The following ADAMTS14 variants were observed in gnomAD, a reference collection of about 807,000 sequenced individuals.
ADAMTS14 encodes ADAM metallopeptidase with thrombospondin type 1 motif 14, also known as A disintegrin and metalloproteinase with thrombospondin motifs 14.
A neutral mutation model predicts 128.6 loss-of-function variants in ADAMTS14; 100 were observed. The observed-to-expected ratio is 0.78, with a 90% CI of 0.66 to 0.92. The LOEUF (loss-of-function observed/expected upper bound fraction) is 0.92. Ranked by LOEUF, ADAMTS14 falls within the 40% of genes least tolerant of loss-of-function variation. ADAMTS14 has a pLI of 0.00. For missense variants in ADAMTS14, 1,562 were observed against 1,658.6 expected (o/e 0.94, Z 1.01); for synonymous variants, 665 against 653.8 (o/e 1.02, Z -0.26).
rs1842597813 is a variant in ADAMTS14 at position 70,760,859 on chromosome 10, G to A, written c.*6G>A. 4 of 1,556,252 alleles carry A rather than the reference G, an allele frequency of 2.6e-6. No individual in the cohort carries two copies. Among genetic ancestry groups the A allele is most frequent in the Admixed American group, 1.8e-5 (1 of 54,234 alleles). ...CTGCCTCCCCGGTGACATGAGCTGT[G>A]CCCTGCCATCCCACTGGCACGTTTA... On this transcript the variant is annotated 3_prime_UTR_variant, in exon 22 of 22. Coordinates refer to ENST00000373207, the MANE Select transcript of ADAMTS14 (RefSeq NM_080722.4).
Position 70,674,917 on chromosome 10 carries a change from AC to A in ADAMTS14, c.445del (p.Arg149GlyfsTer140). On this transcript the variant is annotated frameshift_variant, in exon 2 of 22. Transcript: ENST00000373207. LOFTEE classifies it high-confidence loss of function. ...TTCGGGAGCTGTTCCGGCAGCCCTT[AC>A]GGCAGGAGTGTGTGTACACTGGAGG... ...DFRELFRQPL[R>X]QECVYTGGVT... 1 of 1,613,284 alleles carries A rather than the reference AC, an allele frequency of 6.2e-7. No homozygotes were observed.
Position 70,733,967 on chromosome 10 carries a change from G to A in ADAMTS14, c.1291G>A (p.Ala431Thr). Residue 431 changes from alanine (A) to threonine (T), a missense_variant, in exon 8 of 22, where the codon GCT becomes ACT. Coordinates refer to ENST00000373207, the MANE Select transcript of ADAMTS14 (RefSeq NM_080722.4). ...LGSVMAPLVQ[A>T]AFHRFHWSRC... ...CAGCGTCATGGCGCCCCTGGTGCAG[G>A]CTGCCTTCCACCGCTTCCATTGGTC... 6.2e-7 allele frequency: 1 copy of A among 1,613,850 alleles called. No homozygotes were observed. Among genetic ancestry groups the A allele is most frequent in the Non-Finnish European group, 8.5e-7 (1 of 1,180,004 alleles).
intron 4 of ADAMTS14, 143 bp downstream of exon 4, chr10:70,708,921 T>C: frequency 1.5e-6 from 1 of 655,738 alleles, no homozygotes; most frequent in Non-Finnish European, 2.3e-6. Context: ...CATTGCTTGC[T>C]CCTTAGCCCA....
intron 12 of ADAMTS14, 104 bp downstream of exon 12, chr10:70,741,266 G>A: frequency 7.3e-7 from 1 of 1,377,364 alleles, no homozygotes; most frequent in Non-Finnish European, 9.9e-7. Flanking sequence ...AGTGAAGGTG[G>A]AGGGACAGTG....
chr10:70,749,918 A>T lies in ADAMTS14; in HGVS notation c.2360A>T (p.Asp787Val). ...ACCGCCATGGGCCTGGAGTGGGAGG[A>T]TGCGGTGGAGGATGCCAAGGAAAGC... is the stretch of plus-strand genomic sequence containing the variant. The part of the protein sequence containing the change: ...TFTAMGLEWE[D>V]AVEDAKESLK... Residue 787 changes from aspartate (D) to valine (V), a missense_variant, in exon 16 of 22, where the codon GAT (aspartate) becomes GTT (valine). Asp to Val is a radical substitution (Grantham distance 152, BLOSUM62 -3). Transcript: ENST00000373207. The T allele has an allele frequency of 6.2e-7, 1 of 1,614,050 alleles. No homozygotes were observed. The highest frequency in any genetic ancestry group is 1.7e-5 in the Admixed American group (1 of 60,012).
intron 16 of ADAMTS14, among the ~76,000 whole-genome samples, chr10:70,751,184 C>T (rs1035022654): frequency 6.6e-6 from 1 of 152,208 alleles, no homozygotes. Flanking sequence ...GACAGACAGA[C>T]AGCCAGCCCT....
chr10:70,752,089 C>T lies in ADAMTS14; in HGVS notation c.2597-6C>T, dbSNP rs753861624. On this transcript the variant is annotated splice_polypyrimidine_tract_variant and splice_region_variant and intron_variant, in intron 17 of 21. Coordinates refer to ENST00000373207, the MANE Select transcript of ADAMTS14 (RefSeq NM_080722.4). ...CTAGGCCCACGGCAGCCTGCCCACCCCATAGGGATCCAGTTCACCAAATAC... is the reference window on the plus strand; with the variant it reads ...CTAGGCCCACGGCAGCCTGCCCACCTCATAGGGATCCAGTTCACCAAATAC... 1 of 1,611,466 alleles carries T rather than the reference C, an allele frequency of 6.2e-7. No individual in the cohort carries two copies. Among genetic ancestry groups the T allele is most frequent in the South Asian group, 1.1e-5 (1 of 90,746 alleles).
intron 4 of ADAMTS14, among the ~76,000 whole-genome samples, chr10:70,721,118 G>A (rs896430516): frequency 2.7e-4 from 39 of 143,024 alleles, no homozygotes; most frequent in African/African-American, 9.9e-4. Context: ...TCCACCTCCC[G>A]GGTTCAAGTG....
intron 2 of ADAMTS14, among the ~76,000 whole-genome samples, chr10:70,682,101 A>G (rs1839826581): frequency 6.6e-6 from 1 of 152,150 alleles, no homozygotes; most frequent in African/African-American, 2.4e-5. Flanking sequence ...GAAATCAGAG[A>G]CTGTCTTAAA....
At chr10:70,702,552 A>G in intron 3 of ADAMTS14, 84 bp downstream of exon 3, 3 of 1,491,282 alleles carry the variant, frequency 2.0e-6, no homozygotes, top group Non-Finnish European at 2.7e-6. Context: ...TAAGCTGTCC[A>G]TGTCTGGCCT....
At chr10:70,728,506 C>A (rs754907557) in intron 4 of ADAMTS14, among the ~76,000 whole-genome samples, 3 of 152,228 alleles carry the variant, frequency 2.0e-5, no homozygotes, top group Non-Finnish European at 4.4e-5. Context: ...AGAGGGTGAA[C>A]TCCCTTTCCT....
At chr10:70,682,032 G>A (rs762191768) in intron 2 of ADAMTS14, among the ~76,000 whole-genome samples, 4 of 152,246 alleles carry the variant, frequency 2.6e-5, no homozygotes, top group Non-Finnish European at 5.9e-5. Flanking sequence ...TGGCTGTGCT[G>A]TTCACACCTT....
chr10:70,733,876 C>G lies in ADAMTS14; in HGVS notation c.1209-9C>G. The stretch of plus-strand genomic sequence containing the variant: ...ATGTATCAGGACTCCTCTGTCTTCC[C>G]CATTCCAGGCTCGGCATGGAGCATG... On this transcript the variant is annotated splice_polypyrimidine_tract_variant and intron_variant, in intron 7 of 21. Transcript: ENST00000373207. 6.2e-7 allele frequency: 1 copy of G among 1,610,160 alleles called. No homozygotes were observed. Among genetic ancestry groups the G allele is most frequent in the Non-Finnish European group, 8.5e-7 (1 of 1,177,238 alleles).
chr10:70,748,807 T>C (rs1026322925), intron 15 of ADAMTS14, among the ~76,000 whole-genome samples: 1 of 152,190 alleles, frequency 6.6e-6, no homozygotes, highest in Non-Finnish European at 1.5e-5. Flanking sequence ...TGTGGGCCCT[T>C]CCACCTGGAC....
chr10:70,682,356 A>G (rs1245772243), intron 2 of ADAMTS14, among the ~76,000 whole-genome samples: 5 of 152,188 alleles, frequency 3.3e-5, no homozygotes, highest in South Asian at 4.1e-4. Context: ...GGTAATTCTT[A>G]AGCCATTGTA....
At position 70,745,341 on chromosome 10, in the gene ADAMTS14, C is replaced by A. The variant is rs763861430; in HGVS notation, c.2263+35C>A. On this transcript the variant is annotated intron_variant, in intron 15 of 21. Transcript: ENST00000373207. The stretch of plus-strand genomic sequence containing the variant: ...GGGGTGCTGGGAGGGGACAGCAGGG[C>A]CCCAGGCCCTGCCCTCTGACTTGGG... 3.1e-6 allele frequency: 5 copies of A among 1,607,982 alleles called. No homozygotes were observed. In the East Asian group the frequency reaches 8.9e-5, roughly 29 times the overall value.
At chr10:70,755,719 T>C (rs1478221847) in intron 19 of ADAMTS14, among the ~76,000 whole-genome samples, 2 of 152,120 alleles carry the variant, frequency 1.3e-5, no homozygotes, top group African/African-American at 4.8e-5. Context: ...GTGGCTGGCG[T>C]ATGCCTGTAA....
In ADAMTS14 at chr10:70,745,284, G is replaced by T. The variant is rs1842141733; in HGVS notation, c.2241G>T (p.Leu747=). The T allele has an allele frequency of 6.2e-7, 1 of 1,612,638 alleles. No individual in the cohort carries two copies. The highest frequency in any genetic ancestry group is 2.2e-5 in the East Asian group (1 of 44,864). ...CCAGGCACATCCAGATTGAGGCACT[G>T]GAGAAGTCCCCCCACCGCATTGGTG... The part of the protein sequence containing the change: ...AGARHIQIEA[L]EKSPHRIVVK... Residue 747 remains leucine (L), a synonymous_variant, in exon 15 of 22, where the codon CTG becomes CTT. Transcript: ENST00000373207.
chr10:70,704,131 G>A (rs1400175557), intron 3 of ADAMTS14, among the ~76,000 whole-genome samples: 2 of 152,158 alleles, frequency 1.3e-5, no homozygotes, highest in African/African-American at 2.4e-5. Flanking sequence ...CCTAGCAGCC[G>A]GCTAAAGGCT....
Sources: allele counts gnomAD v4.1 joint callset (sites outside exome capture counted in the v4.1 genomes callset), GRCh38; gene constraint gnomAD v4.1.1; transcripts MANE v1.5; gene names NCBI Gene and HGNC (gene_info 2026-07-23, HGNC 2026-07-21).